Variants in ABCC8 observed in about 807,000 individuals in gnomAD.
The protein encoded by ABCC8 is ATP-binding cassette sub-family C member 8.
A neutral mutation model predicts 188.0 loss-of-function variants in ABCC8; 137 were observed. The observed-to-expected ratio is 0.73, with a 90% CI of 0.63 to 0.84. The LOEUF (loss-of-function observed/expected upper bound fraction) is 0.84. ABCC8 is among the 40% of genes least tolerant of loss of function. The pLI is 0.00. For missense variants in ABCC8, 1,750 were observed against 2,072.7 expected (o/e 0.84, Z 3.02); for synonymous variants, 797 against 846.5 (o/e 0.94, Z 1.01).
chr11:17,440,337 C>T (rs1648039742), intron 10 of ABCC8, among the ~76,000 whole-genome samples: 1 of 152,174 alleles, frequency 6.6e-6, no homozygotes, highest in South Asian at 2.1e-4. Context: ...GGGGGCTATA[C>T]ACAAGCAGGG....
chr11:17,450,425 T>C (rs1216423969), intron 7 of ABCC8, among the ~76,000 whole-genome samples: 1 of 140,782 alleles, frequency 7.1e-6, no homozygotes, highest in Non-Finnish European at 1.6e-5. Context: ...TTCAGAGTCT[T>C]GCTGTGTCGC....
chr11:17,447,809 A>G (rs1020425291), intron 8 of ABCC8, among the ~76,000 whole-genome samples: 1 of 152,188 alleles, frequency 6.6e-6, no homozygotes, highest in Non-Finnish European at 1.5e-5. Flanking sequence ...CTAGGCTAAA[A>G]GTATCATGTT....
intron 5 of ABCC8, chr11:17,461,313 C>A (rs1330874970): frequency 3.8e-6 from 2 of 527,432 alleles, no homozygotes; most frequent in South Asian, 2.0e-5. Flanking sequence ...CACTTCCCTT[C>A]TCAGAGCCTC....
At chr11:17,405,348 C>T (rs1954462792) in intron 27 of ABCC8, 146 bp downstream of exon 27, 37 of 1,302,454 alleles carry the variant, frequency 2.8e-5, no homozygotes, top group Non-Finnish European at 3.7e-5. Flanking sequence ...AGCCCTGAAG[C>T]AGCATTATAA....
chr11:17,463,997 C>T (rs1449282954), intron 3 of ABCC8, among the ~76,000 whole-genome samples: 4 of 152,194 alleles, frequency 2.6e-5, no homozygotes, highest in African/African-American at 9.7e-5. Flanking sequence ...CTGCCGTCAC[C>T]CCCAATTTCT....
chr11:17,397,461 G>A (rs1248048042), intron 31 of ABCC8, 148 bp from the exon 32 acceptor site: 2 of 1,487,254 alleles, frequency 1.3e-6, no homozygotes, highest in Non-Finnish European at 1.8e-6. Flanking sequence ...AGCCCTCCCT[G>A]GAGGCACAGG....
chr11:17,456,530 G>A (rs1957003294), intron 6 of ABCC8, among the ~76,000 whole-genome samples: 1 of 152,164 alleles, frequency 6.6e-6, no homozygotes, highest in African/African-American at 2.4e-5. Flanking sequence ...TTTGGCAGGT[G>A]TCAAAAGGTG....
intron 3 of ABCC8, among the ~76,000 whole-genome samples, chr11:17,468,140 T>A (rs1055799936): frequency 2.6e-5 from 4 of 151,994 alleles, no homozygotes. Flanking sequence ...CATACTCATG[T>A]GGGGGCCCCT....
intron 10 of ABCC8, among the ~76,000 whole-genome samples, chr11:17,440,560 TG>T (rs1009035924): frequency 6.6e-6 from 1 of 152,178 alleles, no homozygotes; most frequent in African/African-American, 2.4e-5. Flanking sequence ...ACCAGGAACT[TG>T]GGGTGTCTTG....
chr11:17,435,858 C>T (rs1421442077), intron 10 of ABCC8: 3 of 1,243,302 alleles, frequency 2.4e-6, no homozygotes, highest in South Asian at 1.2e-5. Context: ...GTGCTGGCCC[C>T]GGACACAGGG....
At chr11:17,449,369 A>C (rs1235556544) in intron 7 of ABCC8, among the ~76,000 whole-genome samples, 1 of 152,184 alleles carries the variant, frequency 6.6e-6, no homozygotes, top group Non-Finnish European at 1.5e-5. Flanking sequence ...CAGCCTAGGG[A>C]GGGGATCTGC....
At chr11:17,443,931 T>C (rs1261540129) in intron 8 of ABCC8, among the ~76,000 whole-genome samples, 2 of 152,190 alleles carry the variant, frequency 1.3e-5, no homozygotes, top group Non-Finnish European at 2.9e-5. Flanking sequence ...AGCGCCAAGA[T>C]GACAGTTTCT....
At position 17,442,773 on chromosome 11, in the gene ABCC8, C is replaced by A. The variant is rs144481621; in HGVS notation, c.1577G>T (p.Arg526Leu). 3.7e-6 allele frequency: 6 copies of A among 1,613,856 alleles called. No individual in the cohort carries two copies. The highest frequency in any genetic ancestry group is 5.1e-6 in the Non-Finnish European group (6 of 1,180,030). The change falls in exon 10 of 39, where the codon CGC becomes CTC. Residue 526 changes from arginine to leucine, a missense_variant. Physicochemically the swap from Arg to Leu is moderately radical, Grantham distance 102 (BLOSUM62 -2). Coordinates refer to ENST00000389817, the MANE Select transcript of ABCC8 (RefSeq NM_000352.6). ...NIFRTRVETT[R>L]RKEMTSLRAF... is the part of the protein sequence containing the mutation. Reference sequence around the variant, plus strand: ...CCTGAGGCTGGTCATCTCCTTCCTGCGGGTCGTCTCCACCCGCGTGCGGAA... The same window carrying A: ...CCTGAGGCTGGTCATCTCCTTCCTGAGGGTCGTCTCCACCCGCGTGCGGAA...
chr11:17,406,861 A>G (rs773008766), intron 25 of ABCC8, 27 bp downstream of exon 25: 3 of 1,613,932 alleles, frequency 1.9e-6, no homozygotes, highest in East Asian at 2.2e-5. Flanking sequence ...CCCACTCCCA[A>G]CCTCTGCCAT....
In ABCC8 at chr11:17,404,891, A is replaced by G. The variant is rs1332000347; in HGVS notation, c.3400-222T>C. Among the ~76,000 whole-genome samples the G allele has an allele frequency of 1.3e-5, 2 of 152,004 alleles. 1 individual carries two copies. The highest frequency in any genetic ancestry group is 2.9e-5 in the Non-Finnish European group (2 of 68,012). On this transcript the variant is annotated intron_variant, in intron 27 of 38. Transcript: ENST00000389817. The surrounding 1 kb of genome is among the most constrained non-coding windows in gnomAD (Gnocchi z 4.7). ...ATTCTCCTGCCTCAGCTTCCCAAGT[A>G]GTTGGGATTACAGGCACCTGCCACC...
intron 8 of ABCC8, among the ~76,000 whole-genome samples, chr11:17,447,767 T>G (rs1304916129): frequency 6.6e-6 from 1 of 152,212 alleles, no homozygotes; most frequent in Non-Finnish European, 1.5e-5. Context: ...TTCCAGCTAA[T>G]TTTTTGTACA....
At chr11:17,432,160 C>A in intron 11 of ABCC8, 44 bp downstream of exon 11, 1 of 1,551,384 alleles carries the variant, frequency 6.4e-7, no homozygotes. Flanking sequence ...AGACGCCCTC[C>A]CCCTCCACCC....
intron 23 of ABCC8, 81 bp from the exon 24 acceptor site, chr11:17,407,534 T>C (rs1954603228): frequency 3.1e-6 from 5 of 1,596,238 alleles, no homozygotes; most frequent in Non-Finnish European, 2.6e-6. Flanking sequence ...GTAACTACTC[T>C]GGTGATGACC....
Position 17,445,229 on chromosome 11 carries a change from A to G in ABCC8, c.1333-1917T>C, listed in dbSNP as rs375876669. Among the ~76,000 whole-genome samples the G allele has an allele frequency of 2.5e-4, 38 of 152,384 alleles. No homozygotes were observed. The Middle Eastern group carries it at 0.02, about 82-fold the overall frequency. ...GGGCACCCATGAAGCCCCTGAAATT[A>G]TAGCCCAAATGTTTGAGCAAGCATT... On this transcript the variant is annotated intron_variant, in intron 8 of 38. Transcript: ENST00000389817.
Sources: gnomAD v4.1 joint callset for allele counts (sites outside exome capture counted in the v4.1 genomes callset) on GRCh38, gnomAD v4.1.1 for gene constraint, Gnocchi (gnomAD v3.1) non-coding constraint, MANE v1.5 for transcripts, NCBI Gene and HGNC (gene_info 2026-07-23, HGNC 2026-07-21) for gene names.